Variants in PAK5 observed in about 807,000 individuals in gnomAD.
The protein encoded by PAK5 is p21 (RAC1) activated kinase 5.
A neutral mutation model predicts 65.9 loss-of-function variants in PAK5; 16 were observed. The observed-to-expected ratio is 0.24, with a 90% CI of 0.16 to 0.37. PAK5 has a LOEUF of 0.37. Among genes scored for constraint, PAK5 ranks in the 10% least tolerant of loss-of-function variants. PAK5 has a pLI of 1.00. For synonymous variants in PAK5, 371 were observed against 354.9 expected, an observed-to-expected ratio of 1.05 and a Z score of -0.51; for missense variants, 785 against 903.9, an observed-to-expected ratio of 0.87 and a Z score of 1.69.
intron 2 of PAK5, among the ~76,000 whole-genome samples, chr20:9,673,393 T>C (rs1172788166): frequency 6.6e-6 from 1 of 152,216 alleles, no homozygotes; most frequent in Non-Finnish European, 1.5e-5. Context: ...TGTGTCAGTA[T>C]CTGTCAATAG....
At chr20:9,725,643 A>G (rs569851942) in intron 1 of PAK5, among the ~76,000 whole-genome samples, 29 of 152,298 alleles carry the variant, frequency 1.9e-4, no homozygotes, top group African/African-American at 7.0e-4. Flanking sequence ...AATCATGAAC[A>G]TGGGGAAATA....
chr20:9,698,456 AT>A, intron 2 of PAK5, among the ~76,000 whole-genome samples: 1 of 152,170 alleles, frequency 6.6e-6, no homozygotes, highest in South Asian at 2.1e-4. Flanking sequence ...CCCATAACTA[AT>A]GATACTTATA....
At chr20:9,640,629 G>C (rs2047044089) in intron 3 of PAK5, among the ~76,000 whole-genome samples, 1 of 152,182 alleles carries the variant, frequency 6.6e-6, no homozygotes, top group Non-Finnish European at 1.5e-5. Context: ...GACCCTCGCG[G>C]TGAGTGTTAC....
Position 9,595,463 on chromosome 20 carries a change from C to T in PAK5, c.205-14533G>A, listed in dbSNP as rs80336993. ...CCTTGTACCAACAAAGAGAGATGATCCACTTCTTTCCTCTCTAAGCTGCCT... is the reference window on the plus strand; with the variant it reads ...CCTTGTACCAACAAAGAGAGATGATTCACTTCTTTCCTCTCTAAGCTGCCT... On this transcript the variant is annotated intron_variant, in intron 3 of 9. Transcript: ENST00000353224. 8.0e-3 allele frequency among the ~76,000 whole-genome samples: 1,220 copies of T among 152,212 alleles called. 21 individuals carry two copies. Among genetic ancestry groups the T allele is most frequent in the African/African-American group, 0.028 (1,160 of 41,530 alleles).
intron 4 of PAK5, among the ~76,000 whole-genome samples, chr20:9,576,609 T>A (rs558483707): frequency 6.6e-6 from 1 of 152,226 alleles, no homozygotes; most frequent in Admixed American, 6.5e-5. Flanking sequence ...TAATTGCTAA[T>A]TAACTGCTAA....
intron 3 of PAK5, among the ~76,000 whole-genome samples, chr20:9,606,600 C>A (rs558993544): frequency 6.6e-6 from 1 of 152,258 alleles, no homozygotes; most frequent in East Asian, 1.9e-4. Context: ...CACAATCATA[C>A]AGGTACTAAA....
chr20:9,727,035 T>G (rs747308784), intron 1 of PAK5, among the ~76,000 whole-genome samples: 3 of 152,184 alleles, frequency 2.0e-5, no homozygotes, highest in Non-Finnish European at 4.4e-5. Context: ...GGCCTTTGTT[T>G]TCTTTCTAGA....
intron 2 of PAK5, among the ~76,000 whole-genome samples, chr20:9,663,803 C>T (rs150592600): frequency 3.9e-5 from 6 of 152,170 alleles, no homozygotes; most frequent in East Asian, 1.9e-4. Context: ...TTGAATAACA[C>T]GAGTGCTTAA....
chr20:9,560,716 C>T (rs1241960372), intron 6 of PAK5, among the ~76,000 whole-genome samples: 4 of 152,204 alleles, frequency 2.6e-5, no homozygotes, highest in Non-Finnish European at 4.4e-5. Context: ...ACAGGTACAT[C>T]AGCATCTGCC....
intron 3 of PAK5, among the ~76,000 whole-genome samples, chr20:9,617,316 G>A (rs1180566963): frequency 1.3e-5 from 2 of 152,150 alleles, no homozygotes; most frequent in Admixed American, 1.3e-4. Flanking sequence ...GGAAAGAAAC[G>A]AGTTAGCCCA....
At chr20:9,748,935 CAGA>C (rs1414868963) in intron 1 of PAK5, among the ~76,000 whole-genome samples, 1 of 152,132 alleles carries the variant, frequency 6.6e-6, no homozygotes, top group East Asian at 1.9e-4. Context: ...TCCAGCACCT[CAGA>C]AGTTTCTCTC....
chr20:9,649,100 T>C (rs1339595543), intron 2 of PAK5, among the ~76,000 whole-genome samples: 5 of 152,208 alleles, frequency 3.3e-5, no homozygotes. Context: ...AAGTAGGCAA[T>C]TCAAGAATTA....
chr20:9,811,377 TC>T (rs2049296411), intron 1 of PAK5, among the ~76,000 whole-genome samples: 1 of 152,160 alleles, frequency 6.6e-6, no homozygotes, highest in African/African-American at 2.4e-5. Context: ...AAATATGTGT[TC>T]CTAGAATTCA....
At chr20:9,620,658 A>G (rs1186158282) in intron 3 of PAK5, among the ~76,000 whole-genome samples, 1 of 152,148 alleles carries the variant, frequency 6.6e-6, no homozygotes, top group Non-Finnish European at 1.5e-5. Flanking sequence ...ACCGTGAACT[A>G]TGGCACCATG....
chr20:9,617,221 C>G (rs1163832282), intron 3 of PAK5, among the ~76,000 whole-genome samples: 1 of 152,128 alleles, frequency 6.6e-6, no homozygotes, highest in African/African-American at 2.4e-5. Context: ...GTGAGCTGTA[C>G]GAACTTTTCA....
intron 2 of PAK5, among the ~76,000 whole-genome samples, chr20:9,661,141 A>G (rs1201953069): frequency 6.6e-6 from 1 of 152,076 alleles, no homozygotes; most frequent in African/African-American, 2.4e-5. Flanking sequence ...AGTGGAATGA[A>G]AATTGATTTG....
intron 1 of PAK5, among the ~76,000 whole-genome samples, chr20:9,803,998 G>A (rs978031264): frequency 6.6e-6 from 1 of 152,150 alleles, no homozygotes; most frequent in Non-Finnish European, 1.5e-5. Flanking sequence ...TTCCTCCAGA[G>A]GCCTACCTGG....
At chr20:9,735,852 C>G (rs1486117748) in intron 1 of PAK5, among the ~76,000 whole-genome samples, 7 of 151,798 alleles carry the variant, frequency 4.6e-5, no homozygotes, top group Admixed American at 2.0e-4. Flanking sequence ...ATGACAAAAA[C>G]CCGTCTCTAC....
chr20:9,550,738 G>C (rs1489947004), intron 7 of PAK5, among the ~76,000 whole-genome samples: 1 of 151,470 alleles, frequency 6.6e-6, no homozygotes, highest in East Asian at 1.9e-4. Context: ...TGTGGTGTGT[G>C]TGTGTGTGTG....
Sources: gnomAD v4.1 joint callset for allele counts (sites outside exome capture counted in the v4.1 genomes callset) on GRCh38, gnomAD v4.1.1 for gene constraint, MANE v1.5 for transcripts, NCBI Gene and HGNC (gene_info 2026-07-23, HGNC 2026-07-21) for gene names.